PCLO: variants seen among roughly 807,000 people sequenced by gnomAD.
The protein encoded by PCLO is piccolo presynaptic cytomatrix protein.
A neutral mutation model predicts 427.5 loss-of-function variants in PCLO; 82 were observed. The ratio of observed to expected loss-of-function variants is 0.19; its 90% CI spans 0.16 to 0.23. PCLO has a LOEUF of 0.23. PCLO is among the 10% of genes least tolerant of loss of function. PCLO has a pLI of 1.00. For synonymous variants in PCLO, 2,357 were observed against 2,155.4 expected (o/e 1.09, Z -2.59); for missense variants, 6,239 against 6,115.9 (o/e 1.02, Z -0.67).
chr7:82,870,747 A>G (rs1437479973), intron 10 of PCLO, among the ~76,000 whole-genome samples: 1 of 152,058 alleles, frequency 6.6e-6, no homozygotes, highest in Admixed American at 6.6e-5. Context: ...AATAGCAAAA[A>G]AAACCCCAAA....
chr7:82,770,689 C>T (rs542651979), intron 22 of PCLO, among the ~76,000 whole-genome samples: 3 of 151,592 alleles, frequency 2.0e-5, no homozygotes, highest in Non-Finnish European at 4.4e-5. Flanking sequence ...ATAATTTTAC[C>T]TAACATGCTG....
intron 20 of PCLO, chr7:82,820,799 A>G: frequency 8.1e-7 from 1 of 1,231,142 alleles, no homozygotes; most frequent in Non-Finnish European, 1.0e-6. Context: ...AAACATATTT[A>G]TAGTCATGCT....
At chr7:83,157,749 TTATAAG>T (rs1245469489) in intron 1 of PCLO, among the ~76,000 whole-genome samples, 2 of 151,894 alleles carry the variant, frequency 1.3e-5, no homozygotes, top group Non-Finnish European at 2.9e-5. Context: ...GAAAATCATA[TTATAAG>T]TATTTTATTT....
intron 10 of PCLO, among the ~76,000 whole-genome samples, chr7:82,854,743 G>C (rs1418629388): frequency 1.3e-5 from 2 of 152,104 alleles, no homozygotes; most frequent in South Asian, 4.1e-4. Context: ...AAATCGCTCA[G>C]AGTTAGAGAA....
chr7:83,159,764 A>G (rs886686381), intron 1 of PCLO, among the ~76,000 whole-genome samples: 4 of 151,984 alleles, frequency 2.6e-5, no homozygotes, highest in Non-Finnish European at 4.4e-5. Context: ...TTATAATATT[A>G]GAAATATAAG....
At chr7:82,885,662 A>C (rs1793610858) in intron 9 of PCLO, among the ~76,000 whole-genome samples, 1 of 152,166 alleles carries the variant, frequency 6.6e-6, no homozygotes, top group Non-Finnish European at 1.5e-5. Context: ...ATGATTGAGC[A>C]GTGATAGAGG....
At chr7:83,079,516 A>G (rs1583994213) in intron 3 of PCLO, among the ~76,000 whole-genome samples, 1 of 138,106 alleles carries the variant, frequency 7.2e-6, no homozygotes, top group African/African-American at 2.9e-5. Flanking sequence ...CCAGTTTTTA[A>G]ATTTTTCTAA....
intron 3 of PCLO, among the ~76,000 whole-genome samples, chr7:82,973,513 T>C (rs886983637): frequency 1.3e-5 from 2 of 152,138 alleles, no homozygotes; most frequent in African/African-American, 2.4e-5. Context: ...TTGAAGAATA[T>C]AAATACAACC....
chr7:82,952,898 T>G lies in PCLO; in HGVS notation c.8055A>C (p.Thr2685=), dbSNP rs1795395413. The G allele has an allele frequency of 5.6e-6, 9 of 1,613,968 alleles. No homozygotes were observed. The East Asian group carries it at 2.0e-4, about 36-fold the overall frequency. The change falls in exon 5 of 25, where the codon ACA becomes ACC. Residue 2685 remains threonine, a synonymous_variant. Coordinates refer to ENST00000333891, the MANE Select transcript of PCLO (RefSeq NM_033026.6). ...TGCTGCTGAGACCAACACTAGGAGCTGTACTTCTGGTTGCTGAAACCTCAG... is the reference window on the plus strand; with the variant it reads ...TGCTGCTGAGACCAACACTAGGAGCGGTACTTCTGGTTGCTGAAACCTCAG... The part of the protein sequence containing the change: ...SKTEVSATRS[T]APSVGLSSIS...
chr7:83,160,284 G>A (rs544378373), intron 1 of PCLO, among the ~76,000 whole-genome samples: 1 of 152,178 alleles, frequency 6.6e-6, no homozygotes, highest in East Asian at 1.9e-4. Context: ...AAATCAATAG[G>A]ATAAAAACCC....
At chr7:82,899,339 G>T (rs1793984817) in intron 9 of PCLO, among the ~76,000 whole-genome samples, 1 of 151,458 alleles carries the variant, frequency 6.6e-6, no homozygotes, top group South Asian at 2.1e-4. Flanking sequence ...GAAATATTCA[G>T]TGCCAGTTTC....
At position 82,758,543 on chromosome 7, in the gene PCLO, G is replaced by A. The variant is rs1232797470; in HGVS notation, c.*32C>T. The A allele has an allele frequency of 1.3e-6, 2 of 1,585,332 alleles. No individual in the cohort carries two copies. The highest frequency in any genetic ancestry group is 2.7e-5 in the African/African-American group (2 of 73,672). On this transcript the variant is annotated 3_prime_UTR_variant, in exon 25 of 25. Coordinates refer to ENST00000333891, the MANE Select transcript of PCLO (RefSeq NM_033026.6). ...TAGTCTTGATGTGAGGCTATTTAGAGCAGTTTCTATACCCTGAGAAGACAT... is the reference window on the plus strand; with the variant it reads ...TAGTCTTGATGTGAGGCTATTTAGAACAGTTTCTATACCCTGAGAAGACAT...
At chr7:82,973,896 C>G (rs904402954) in intron 3 of PCLO, among the ~76,000 whole-genome samples, 4 of 152,008 alleles carry the variant, frequency 2.6e-5, no homozygotes, top group Non-Finnish European at 5.9e-5. Context: ...AAACCAGAAC[C>G]ATGATTCTGG....
At chr7:82,929,704 T>C (rs909305621) in intron 6 of PCLO, among the ~76,000 whole-genome samples, 3 of 152,176 alleles carry the variant, frequency 2.0e-5, no homozygotes, top group Non-Finnish European at 4.4e-5. Context: ...CCTTGTTTTC[T>C]AAATATGTAT....
intron 2 of PCLO, among the ~76,000 whole-genome samples, chr7:83,140,541 T>G (rs1051624551): frequency 6.6e-6 from 1 of 152,190 alleles, no homozygotes; most frequent in Non-Finnish European, 1.5e-5. Flanking sequence ...TATGACACTT[T>G]AAGCATCAGT....
chr7:82,928,279 T>C (rs1297791875), intron 6 of PCLO, among the ~76,000 whole-genome samples: 1 of 152,202 alleles, frequency 6.6e-6, no homozygotes, highest in Admixed American at 6.5e-5. Flanking sequence ...ATAATGTCCT[T>C]GCAACTAAAG....
chr7:83,111,137 A>T (rs117855616), intron 3 of PCLO, among the ~76,000 whole-genome samples: 1,736 of 152,322 alleles, frequency 0.011, 8 homozygotes, highest in Middle Eastern at 0.037. Flanking sequence ...ATACTTATGT[A>T]TGCATGTCCT....
At chr7:83,131,648 T>A (rs1165060301) in intron 3 of PCLO, among the ~76,000 whole-genome samples, 1 of 152,134 alleles carries the variant, frequency 6.6e-6, no homozygotes, top group Non-Finnish European at 1.5e-5. Flanking sequence ...TACCATTTAT[T>A]TGGACTTCAG....
intron 3 of PCLO, among the ~76,000 whole-genome samples, chr7:83,110,736 T>A (rs1790983161): frequency 6.6e-6 from 1 of 152,172 alleles, no homozygotes. Context: ...GATTTTACAA[T>A]TGCTGCTTCA....
Sources: gnomAD v4.1 joint callset for allele counts (sites outside exome capture counted in the v4.1 genomes callset) on GRCh38, gnomAD v4.1.1 for gene constraint, MANE v1.5 for transcripts, NCBI Gene and HGNC (gene_info 2026-07-23, HGNC 2026-07-21) for gene names.